RARB: variants seen among roughly 807,000 people sequenced by gnomAD.
RARB encodes retinoic acid receptor beta, also known as HBV-activated protein.
In RARB, 17 loss-of-function variants were observed where a neutral mutation model predicts 51.9. That is an observed-to-expected ratio of 0.33 (90% confidence interval 0.22 to 0.49). The LOEUF is 0.49. Ranked by LOEUF, RARB falls within the 20% of genes least tolerant of loss-of-function variation. The pLI, the probability that RARB is intolerant of heterozygous loss-of-function variation, is 0.99. For missense variants in RARB, 369 were observed against 550.8 expected, an observed-to-expected ratio of 0.67 and a Z score of 3.30; for synonymous variants, 215 against 195.4, an observed-to-expected ratio of 1.10 and a Z score of -0.84.
At chr3:25,183,728 T>G (rs1700914140) in intron 5 of RARB, among the ~76,000 whole-genome samples, 1 of 152,320 alleles carries the variant, frequency 6.6e-6, no homozygotes, top group East Asian at 1.9e-4. Flanking sequence ...ATATTGACTT[T>G]GCCTCAGCTT....
chr3:25,223,632 G>A (rs1206656387), intron 5 of RARB, among the ~76,000 whole-genome samples: 1 of 152,148 alleles, frequency 6.6e-6, no homozygotes, highest in Non-Finnish European at 1.5e-5. Context: ...ATTAGTGAAT[G>A]AAGACATTAA....
chr3:25,047,896 G>C (rs773030492), intron 2 of RARB, among the ~76,000 whole-genome samples: 1 of 152,116 alleles, frequency 6.6e-6, no homozygotes, highest in Non-Finnish European at 1.5e-5. Flanking sequence ...CACCTGTAAA[G>C]GGCAGGACAA....
At chr3:25,458,558 T>C (rs981426112) in intron 1 of RARB, among the ~76,000 whole-genome samples, 1 of 152,240 alleles carries the variant, frequency 6.6e-6, no homozygotes, top group Non-Finnish European at 1.5e-5. Context: ...TGATAAGCTT[T>C]AGTGACATCT....
At chr3:25,474,660 A>G (rs61064161) in intron 2 of RARB, among the ~76,000 whole-genome samples, 1,872 of 152,260 alleles carry the variant, frequency 0.012, 40 homozygotes, top group African/African-American at 0.043. Context: ...ATCTTTTAGT[A>G]TGTTTGTTGT....
intron 2 of RARB, among the ~76,000 whole-genome samples, chr3:25,049,762 G>A (rs1698289748): frequency 6.6e-6 from 1 of 152,220 alleles, no homozygotes; most frequent in African/African-American, 2.4e-5. Flanking sequence ...AAACTGATGT[G>A]TTAACTATGG....
chr3:24,976,344 C>T (rs1575100738), intron 2 of RARB, among the ~76,000 whole-genome samples: 1 of 152,184 alleles, frequency 6.6e-6, no homozygotes, highest in East Asian at 1.9e-4. Context: ...GGAATCACCA[C>T]ACTGTCTTCC....
intron 4 of RARB, among the ~76,000 whole-genome samples, chr3:25,163,519 A>G (rs1257992005): frequency 2.7e-5 from 1 of 37,548 alleles, no homozygotes. Flanking sequence ...ATATATATAT[A>G]TATATATATA....
chr3:24,981,908 G>A (rs1177638395), intron 2 of RARB, among the ~76,000 whole-genome samples: 1 of 152,108 alleles, frequency 6.6e-6, no homozygotes, highest in South Asian at 2.1e-4. Flanking sequence ...TTCCTATTCT[G>A]CCATCTTAGA....
intron 3 of RARB, among the ~76,000 whole-genome samples, chr3:25,090,173 G>A (rs570203230): frequency 3.3e-5 from 5 of 152,128 alleles, no homozygotes; most frequent in Non-Finnish European, 7.4e-5. Context: ...GAGGGAGCTA[G>A]CTTACCTCTT....
In RARB at chr3:25,183,987, C is replaced by T. The variant is rs114371630; in HGVS notation, c.178+9412C>T. Among the ~76,000 whole-genome samples, 998 of 152,208 alleles carry T rather than the reference C, an allele frequency of 6.6e-3. 8 individuals are homozygous for T. The highest frequency in any genetic ancestry group is 0.022 in the African/African-American group (905 of 41,530). On this transcript the variant is annotated intron_variant, in intron 5 of 11. Transcript: ENST00000383772. ...GCCTATGTAAGCTTCTTTGAGGTAA[C>T]CTAGGGTTTCACCACATTAAACTTT...
chr3:25,374,699 G>T (rs1706403506), intron 5 of RARB, among the ~76,000 whole-genome samples: 2 of 152,114 alleles, frequency 1.3e-5, no homozygotes, highest in African/African-American at 4.8e-5. Context: ...ATGGAGAGTA[G>T]ATCATAGATC....
chr3:25,188,609 T>A (rs1240929760), intron 5 of RARB, among the ~76,000 whole-genome samples: 1 of 152,172 alleles, frequency 6.6e-6, no homozygotes, highest in South Asian at 2.1e-4. Context: ...TATCATCTGA[T>A]ATCCATGTAC....
At chr3:25,018,187 A>T (rs1362149208) in intron 2 of RARB, among the ~76,000 whole-genome samples, 1 of 152,244 alleles carries the variant, frequency 6.6e-6, no homozygotes, top group African/African-American at 2.4e-5. Context: ...TGGCATAATT[A>T]CTACAAACAC....
chr3:24,899,381 A>G (rs1485864031), intron 2 of RARB, among the ~76,000 whole-genome samples: 1 of 152,182 alleles, frequency 6.6e-6, no homozygotes, highest in African/African-American at 2.4e-5. Context: ...ATAGGTACTC[A>G]GTTATCTCCC....
chr3:25,449,774 C>T lies in RARB; in HGVS notation c.158-11419C>T, dbSNP rs1441304324. Among the ~76,000 whole-genome samples the T allele has an allele frequency of 6.1e-5, 9 of 148,084 alleles. No homozygotes were observed. In the South Asian group the frequency reaches 6.4e-4, roughly 11 times the overall value. ...TCTCTCTCTTTTTTTTTTTTTTAGA[C>T]GGAGTCCTGCTGTGTTGCCCAGGCT... On this transcript the variant is annotated intron_variant, in intron 1 of 7. Coordinates refer to ENST00000330688, the MANE Select transcript of RARB (RefSeq NM_000965.5).
intron 5 of RARB, among the ~76,000 whole-genome samples, chr3:25,309,731 G>A (rs1033885494): frequency 1.1e-4 from 17 of 151,800 alleles, no homozygotes; most frequent in African/African-American, 2.9e-4. Flanking sequence ...TCCTGACCTC[G>A]TGATCCGCCA....
At chr3:25,056,336 T>C (rs1450030378) in intron 2 of RARB, among the ~76,000 whole-genome samples, 1 of 152,130 alleles carries the variant, frequency 6.6e-6, no homozygotes, top group Non-Finnish European at 1.5e-5. Context: ...GAGATTCCCA[T>C]CTAAAAGCAA....
chr3:25,389,120 T>G (rs1004843855), intron 5 of RARB, among the ~76,000 whole-genome samples: 1 of 152,220 alleles, frequency 6.6e-6, no homozygotes, highest in African/African-American at 2.4e-5. Context: ...TATTTCCACA[T>G]GCAGAGCCTG....
chr3:25,563,947 C>CTTT (rs58611383), intron 3 of RARB, among the ~76,000 whole-genome samples: 5 of 137,014 alleles, frequency 3.6e-5, no homozygotes, highest in Admixed American at 2.2e-4. Context: ...TTGTATTTTC[C>CTTT]TTTTTTTTTT....
Sources: gnomAD v4.1 joint callset for allele counts (sites outside exome capture counted in the v4.1 genomes callset) on GRCh38, gnomAD v4.1.1 for gene constraint, MANE v1.5 for transcripts, NCBI Gene and HGNC (gene_info 2026-07-23, HGNC 2026-07-21) for gene names.